The following PRDM16 variants were observed in gnomAD, a reference collection of about 807,000 sequenced individuals.
The protein encoded by PRDM16 is histone-lysine N-methyltransferase PRDM16.
In PRDM16, 23 loss-of-function variants were observed where a neutral mutation model predicts 110.6. The observed-to-expected ratio is 0.21, with a 90% CI of 0.15 to 0.29. The LOEUF is 0.29. PRDM16 is among the 10% of genes least tolerant of loss of function. The probability of loss-of-function intolerance (pLI) is 1.00; values close to 1 mark genes in which losing one functional copy is unlikely to be tolerated. For missense variants in PRDM16, 1,615 were observed against 1,794.3 expected (o/e 0.90, Z 1.81); for synonymous variants, 799 against 781.8 (o/e 1.02, Z -0.37).
chr1:3,110,307 A>G (rs79274920), intron 1 of PRDM16, among the ~76,000 whole-genome samples: 13 of 125,556 alleles, frequency 1.0e-4, no homozygotes, highest in African/African-American at 3.7e-4. Context: ...CGGCTCCCCC[A>G]TGTCCTGGGT....
intron 8 of PRDM16, among the ~76,000 whole-genome samples, chr1:3,410,029 G>A (rs1456918972): frequency 1.4e-5 from 2 of 146,290 alleles, no homozygotes; most frequent in African/African-American, 5.2e-5. Flanking sequence ...GTGTGTGCAT[G>A]TGTGTGATTG....
In PRDM16 at chr1:3,290,644, C is replaced by T. The variant is rs977155171; in HGVS notation, c.438+46507C>T. ...CCAGGACGCAGTGGTGGGCCCAGGC[C>T]GGCCAGCGCTGGCTGAAGGAGCACT... On this transcript the variant is annotated intron_variant, in intron 3 of 16. Coordinates refer to ENST00000270722, the MANE Select transcript of PRDM16 (RefSeq NM_022114.4). This position sits in a 1 kb window ranked among gnomAD's most constrained non-coding sequence, Gnocchi z 4.8. 2.0e-5 allele frequency among the ~76,000 whole-genome samples: 3 copies of T among 152,260 alleles called. No homozygotes were observed. The highest frequency in any genetic ancestry group is 1.9e-4 in the East Asian group (1 of 5,156).
In PRDM16 at chr1:3,201,156, TGAG is replaced by T. The variant is rs1490989574; in HGVS notation, c.387+14688_387+14690del. Among the ~76,000 whole-genome samples, 2 of 152,044 alleles carry T rather than the reference TGAG, an allele frequency of 1.3e-5. No individual in the cohort carries two copies. The highest frequency in any genetic ancestry group is 6.5e-5 in the Admixed American group (1 of 15,274). ...GAGCATAGACCACGCTGCCTTCTTTTGAGGAGGACAGGGATGGAAAAAGGGGTC... is the reference window on the plus strand; with the variant it reads ...GAGCATAGACCACGCTGCCTTCTTTTGAGGACAGGGATGGAAAAAGGGGTC... On this transcript the variant is annotated intron_variant, in intron 2 of 16. Coordinates refer to ENST00000270722, the MANE Select transcript of PRDM16 (RefSeq NM_022114.4). The surrounding 1 kb of genome is among the most constrained non-coding windows in gnomAD (Gnocchi z 4.1).
intron 1 of PRDM16, among the ~76,000 whole-genome samples, chr1:3,142,514 A>C (rs1643569482): frequency 6.6e-6 from 1 of 152,086 alleles, no homozygotes; most frequent in African/African-American, 2.4e-5. Context: ...AACGGGATGC[A>C]CAAAAGCACA....
At chr1:3,338,871 A>T (rs985993800) in intron 3 of PRDM16, among the ~76,000 whole-genome samples, 5 of 152,212 alleles carry the variant, frequency 3.3e-5, no homozygotes, top group Non-Finnish European at 7.3e-5. Context: ...GCCCATGAGG[A>T]CAGGCCAGCA....
chr1:3,173,980 CTT>C (rs1360108644), intron 1 of PRDM16, among the ~76,000 whole-genome samples: 1 of 152,058 alleles, frequency 6.6e-6, no homozygotes, highest in South Asian at 2.1e-4. Flanking sequence ...TCGCTTTGGT[CTT>C]TGTGTGAGTG....
intron 3 of PRDM16, among the ~76,000 whole-genome samples, chr1:3,337,945 C>T (rs1004789242): frequency 2.6e-5 from 4 of 152,122 alleles, no homozygotes; most frequent in Non-Finnish European, 5.9e-5. Context: ...CATGTACACA[C>T]ATATGCCCAC....
chr1:3,316,086 GC>G (rs1641594244), intron 3 of PRDM16, among the ~76,000 whole-genome samples: 1 of 137,526 alleles, frequency 7.3e-6, no homozygotes, highest in Non-Finnish European at 1.5e-5. Context: ...CAGATAAAGA[GC>G]TTCTCCTGTT....
intron 1 of PRDM16, among the ~76,000 whole-genome samples, chr1:3,087,647 T>C (rs1019118543): frequency 1.4e-4 from 21 of 152,316 alleles, no homozygotes; most frequent in African/African-American, 3.8e-4. Context: ...CCTGTTTCCT[T>C]GGACGTGACC....
At chr1:3,292,495 C>T (rs1640997906) in intron 3 of PRDM16, among the ~76,000 whole-genome samples, 1 of 152,244 alleles carries the variant, frequency 6.6e-6, no homozygotes, top group African/African-American at 2.4e-5. Context: ...TCTGGGGCCG[C>T]AGCGTCCCCC....
rs1469065173 is a variant in PRDM16, at chr1:3,433,901, G to A, written c.*90G>A. The A allele has an allele frequency of 7.4e-7, 1 of 1,351,818 alleles. No homozygotes were observed. Among genetic ancestry groups the A allele is most frequent in the African/African-American group, 1.4e-5 (1 of 69,636 alleles). 83.7% of individuals were successfully genotyped at this position (1,351,818 alleles called of 1,614,324 possible). A position where few individuals can be genotyped will look rare whatever the true frequency, so the allele number is the denominator to read the frequency against. On this transcript the variant is annotated 3_prime_UTR_variant, in exon 17 of 17. Transcript: ENST00000270722. Reference sequence around the variant, plus strand: ...CGGGGCCCCGGAGAACCCTGTCCCTGCGTGTGGCCACTCCTCAGCATCCTC... The same window carrying A: ...CGGGGCCCCGGAGAACCCTGTCCCTACGTGTGGCCACTCCTCAGCATCCTC...
At chr1:3,392,232 T>TG (rs371936214) in intron 4 of PRDM16, among the ~76,000 whole-genome samples, 31 of 152,366 alleles carry the variant, frequency 2.0e-4, no homozygotes, top group African/African-American at 7.2e-4. Context: ...AAAAGCCTCT[T>TG]GCACAGTAAA....
intron 3 of PRDM16, among the ~76,000 whole-genome samples, chr1:3,360,537 G>A (rs1489563112): frequency 6.6e-6 from 1 of 152,154 alleles, no homozygotes; most frequent in African/African-American, 2.4e-5. Context: ...GTAGATGCTG[G>A]GAAGAGGTGT....
intron 2 of PRDM16, among the ~76,000 whole-genome samples, chr1:3,235,671 A>C (rs1557548352): frequency 6.6e-6 from 1 of 152,164 alleles, no homozygotes; most frequent in Non-Finnish European, 1.5e-5. Flanking sequence ...GAGCCCAGGA[A>C]CAACAGGCCT....
chr1:3,256,804 C>T (rs1363274181), intron 3 of PRDM16, among the ~76,000 whole-genome samples: 1 of 152,110 alleles, frequency 6.6e-6, no homozygotes. Context: ...TTGCAGTGAG[C>T]CGAGATGGCA....
At chr1:3,276,806 TCTC>T (rs1640595750) in intron 3 of PRDM16, among the ~76,000 whole-genome samples, 1 of 146,008 alleles carries the variant, frequency 6.8e-6, no homozygotes, top group Admixed American at 6.7e-5. Context: ...CCGTCTGACA[TCTC>T]CTGTTGCCTG....
At chr1:3,132,316 C>T (rs192157915) in intron 1 of PRDM16, among the ~76,000 whole-genome samples, 7 of 152,152 alleles carry the variant, frequency 4.6e-5, no homozygotes, top group African/African-American at 9.7e-5. Flanking sequence ...ATTCTGTGTC[C>T]GGTGAGCAGA....
At chr1:3,274,806 G>C (rs1640545921) in intron 3 of PRDM16, among the ~76,000 whole-genome samples, 1 of 150,910 alleles carries the variant, frequency 6.6e-6, no homozygotes, top group African/African-American at 2.4e-5. Context: ...CTTCTCCTTT[G>C]TATGTTTGGG....
At chr1:3,093,779 C>T (rs893772433) in intron 1 of PRDM16, among the ~76,000 whole-genome samples, 4 of 152,194 alleles carry the variant, frequency 2.6e-5, no homozygotes, top group African/African-American at 9.7e-5. Flanking sequence ...CGCCCACTCC[C>T]ACCTGGCTGT....
Sources: gnomAD v4.1 joint callset for allele counts (sites outside exome capture counted in the v4.1 genomes callset) on GRCh38, gnomAD v4.1.1 for gene constraint, Gnocchi (gnomAD v3.1) non-coding constraint, MANE v1.5 for transcripts, NCBI Gene and HGNC (gene_info 2026-07-23, HGNC 2026-07-21) for gene names.